GLIS1: variants seen among roughly 807,000 people sequenced by gnomAD.
The protein encoded by GLIS1 is GLIS family zinc finger 1, also known as zinc finger protein GLIS1.
Under a neutral mutation model 63.8 loss-of-function variants are expected in GLIS1, and 24 were observed. The ratio of observed to expected loss-of-function variants is 0.38; its 90% CI spans 0.27 to 0.53. GLIS1 has a LOEUF of 0.53. GLIS1 is among the 20% of genes least tolerant of loss of function. The pLI is 0.85. For synonymous variants in GLIS1, 450 were observed against 482.5 expected (o/e 0.93, Z 0.88); for missense variants, 1,036 against 1,074.1 (o/e 0.96, Z 0.50).
intron 2 of GLIS1, among the ~76,000 whole-genome samples, chr1:53,638,822 C>T (rs1021859119): frequency 1.3e-5 from 2 of 152,136 alleles, no homozygotes; most frequent in South Asian, 4.1e-4. Context: ...GAGCACATGA[C>T]GAGGCGGGCC....
At chr1:53,683,889 G>A (rs114503261) in intron 2 of GLIS1, among the ~76,000 whole-genome samples, 1,710 of 152,240 alleles carry the variant, frequency 0.011, 25 homozygotes, top group African/African-American at 0.039. Context: ...GTCCTTGCCA[G>A]GCTTGAGACT....
chr1:53,524,376 G>C (rs1194724240), intron 6 of GLIS1, among the ~76,000 whole-genome samples: 1 of 152,242 alleles, frequency 6.6e-6, no homozygotes, highest in Non-Finnish European at 1.5e-5. Flanking sequence ...AATGACATGA[G>C]GTAGAATCAT....
chr1:53,587,404 C>A (rs758595324), intron 4 of GLIS1, among the ~76,000 whole-genome samples: 6 of 152,278 alleles, frequency 3.9e-5, no homozygotes, highest in Non-Finnish European at 7.4e-5. Context: ...CAGATCCATC[C>A]AATCCTAGAT....
rs1645764328 is a variant in GLIS1, at chr1:53,639,631, T to G, written c.260-39353A>C. Reference sequence around the variant, plus strand: ...ATAATATTTTCTTTCCTGTCTTACCTCGGAGACAGGGTGGGGCTTTTTTTT... The same window carrying G: ...ATAATATTTTCTTTCCTGTCTTACCGCGGAGACAGGGTGGGGCTTTTTTTT... On this transcript the variant is annotated intron_variant, in intron 2 of 10. Coordinates refer to ENST00000628545, the MANE Select transcript of GLIS1 (RefSeq NM_001367484.1). This position sits in a 1 kb window ranked among gnomAD's most constrained non-coding sequence, Gnocchi z 4.6. 1.3e-5 allele frequency among the ~76,000 whole-genome samples: 2 copies of G among 152,078 alleles called. No homozygotes were observed. The highest frequency in any genetic ancestry group is 2.4e-5 in the African/African-American group (1 of 41,402).
chr1:53,671,507 G>T (rs1045455064), intron 2 of GLIS1, among the ~76,000 whole-genome samples: 2 of 152,200 alleles, frequency 1.3e-5, no homozygotes, highest in African/African-American at 2.4e-5. Context: ...GAGGCCCATG[G>T]CCCCCAGTGC....
At chr1:53,551,451 C>T (rs947816311) in intron 4 of GLIS1, among the ~76,000 whole-genome samples, 1 of 152,194 alleles carries the variant, frequency 6.6e-6, no homozygotes, top group Admixed American at 6.5e-5. Context: ...GTCCCTCAGC[C>T]TCTGCAGAAC....
chr1:53,517,360 C>A (rs1644363152), intron 7 of GLIS1, among the ~76,000 whole-genome samples: 1 of 152,194 alleles, frequency 6.6e-6, no homozygotes, highest in African/African-American at 2.4e-5. Context: ...CCAGCCACTG[C>A]CTACCTCCCC....
intron 2 of GLIS1, among the ~76,000 whole-genome samples, chr1:53,619,623 TC>T (rs1048218032): frequency 5.9e-5 from 9 of 152,306 alleles, no homozygotes; most frequent in Admixed American, 3.3e-4. Context: ...TTGGGGTTCA[TC>T]CCCAGGGCTG....
intron 2 of GLIS1, among the ~76,000 whole-genome samples, chr1:53,732,855 G>A (rs1407032172): frequency 2.0e-5 from 3 of 151,358 alleles, no homozygotes; most frequent in East Asian, 1.9e-4. Context: ...GAATATAACC[G>A]TATATGTAAG....
At chr1:53,589,306 T>C (rs541309750) in intron 4 of GLIS1, among the ~76,000 whole-genome samples, 4 of 152,328 alleles carry the variant, frequency 2.6e-5, no homozygotes, top group South Asian at 2.1e-4. Context: ...ATGGCTTGCA[T>C]TGAGCCAGGA....
intron 2 of GLIS1, among the ~76,000 whole-genome samples, chr1:53,638,854 G>A (rs546883072): frequency 6.6e-6 from 1 of 152,326 alleles, no homozygotes; most frequent in South Asian, 2.1e-4. Flanking sequence ...GCAAGTCATA[G>A]CAGAAGGGGG....
chr1:53,594,504 G>C lies in GLIS1; in HGVS notation c.924C>G (p.Ser308Arg), dbSNP rs1645230049. 1.9e-6 allele frequency: 3 copies of C among 1,612,924 alleles called. No individual in the cohort carries two copies. The highest frequency in any genetic ancestry group is 1.6e-4 in the Middle Eastern group (1 of 6,072). Residue 308 changes from serine to arginine, a missense_variant, in exon 4 of 11, where the codon AGC becomes AGG. Physicochemically the swap from Ser to Arg is moderately radical, Grantham distance 110. Around this residue, in one of 3 missense-constraint regions of GLIS1, gnomAD observed 592 missense variants for 593.9 expected, o/e 1.00. Coordinates refer to ENST00000628545, the MANE Select transcript of GLIS1 (RefSeq NM_001367484.1). Reference sequence around the variant, plus strand: ...CCTTCCGGCAGGCTTCAAGTTGCAAGCTGCCCTCATGGCTGTCCGTCGATG... The same window carrying C: ...CCTTCCGGCAGGCTTCAAGTTGCAACCTGCCCTCATGGCTGTCCGTCGATG... ...GPASTDSHEGSLQLEACRKAS... is the reference protein window; with the variant it reads ...GPASTDSHEGRLQLEACRKAS...
intron 8 of GLIS1, among the ~76,000 whole-genome samples, chr1:53,513,978 G>A (rs1644323521): frequency 6.6e-6 from 1 of 152,240 alleles, no homozygotes; most frequent in Admixed American, 6.5e-5. Context: ...GGGGCTGGGA[G>A]GCCTCCCTCT....
chr1:53,683,440 T>C (rs1369686139), intron 2 of GLIS1, among the ~76,000 whole-genome samples: 1 of 152,180 alleles, frequency 6.6e-6, no homozygotes, highest in East Asian at 1.9e-4. Flanking sequence ...CCAGCCCTGC[T>C]TCTGATTATC....
intron 2 of GLIS1, among the ~76,000 whole-genome samples, chr1:53,723,690 T>C (rs1173855165): frequency 6.6e-6 from 1 of 152,208 alleles, no homozygotes; most frequent in Non-Finnish European, 1.5e-5. Context: ...AAGTATTATT[T>C]CCATCTTTCC....
intron 2 of GLIS1, among the ~76,000 whole-genome samples, chr1:53,634,932 G>C (rs1335076344): frequency 1.3e-5 from 2 of 152,032 alleles, no homozygotes; most frequent in African/African-American, 4.8e-5. Context: ...CTGCTCCCTG[G>C]GATCACTTCC....
chr1:53,640,419 G>A (rs1430942286), intron 2 of GLIS1, among the ~76,000 whole-genome samples: 1 of 152,230 alleles, frequency 6.6e-6, no homozygotes, highest in Non-Finnish European at 1.5e-5. Flanking sequence ...CTACACCGTT[G>A]TTGGTGAAAA....
In GLIS1 at chr1:53,619,037, G is replaced by A. The variant is rs372945564; in HGVS notation, c.260-18759C>T. On this transcript the variant is annotated intron_variant, in intron 2 of 10. Transcript: ENST00000628545. ...CGTCTTCTAATCCCAGACAGCCACT[G>A]TGAATCCCCTGTCAAAAGGCTTCAT... Among the ~76,000 whole-genome samples the A allele has an allele frequency of 1.1e-4, 16 of 152,332 alleles. No individual in the cohort carries two copies. In the South Asian group the frequency reaches 3.3e-3, roughly 32 times the overall value.
chr1:53,565,825 T>G (rs1272104534), intron 4 of GLIS1, among the ~76,000 whole-genome samples: 1 of 151,932 alleles, frequency 6.6e-6, no homozygotes, highest in East Asian at 1.9e-4. Context: ...AAAAAAGGGA[T>G]ACTCCCAAAC....
Sources: allele counts gnomAD v4.1 joint callset (sites outside exome capture counted in the v4.1 genomes callset), GRCh38; gene constraint gnomAD v4.1.1; regional missense constraint gnomAD v4.1.1; non-coding constraint Gnocchi (gnomAD v3.1); transcripts MANE v1.5; gene names NCBI Gene and HGNC (gene_info 2026-07-23, HGNC 2026-07-21).